SORCS2: variants seen among roughly 807,000 people sequenced by gnomAD.
The protein encoded by SORCS2 is VPS10 domain-containing receptor SorCS2.
In SORCS2, 100 loss-of-function variants were observed where a neutral mutation model predicts 141.6. That is an observed-to-expected ratio of 0.71 (90% confidence interval 0.60 to 0.83). SORCS2 has a LOEUF of 0.83. Ranked by LOEUF, SORCS2 falls within the 40% of genes least tolerant of loss-of-function variation. SORCS2 has a pLI of 0.00. For missense variants in SORCS2, 1,646 were observed against 1,560.2 expected (o/e 1.05, Z -0.93); for synonymous variants, 789 against 676.9 (o/e 1.17, Z -2.57).
intron 3 of SORCS2, among the ~76,000 whole-genome samples, chr4:7,602,535 G>T (rs917842090): frequency 6.6e-6 from 1 of 151,254 alleles, no homozygotes; most frequent in East Asian, 2.0e-4. Context: ...GGGCAGAGAC[G>T]CTCCTCACTT....
chr4:7,299,187 C>CT (rs200225176), intron 1 of SORCS2, among the ~76,000 whole-genome samples: 1,735 of 152,344 alleles, frequency 0.011, 26 homozygotes, highest in African/African-American at 0.038. Context: ...CTGTCCGGGG[C>CT]TGGGGGTGGG....
intron 2 of SORCS2, among the ~76,000 whole-genome samples, chr4:7,437,128 G>A (rs80355938): frequency 5.9e-5 from 9 of 152,126 alleles, no homozygotes; most frequent in East Asian, 3.9e-4. Flanking sequence ...GACCCCACAC[G>A]TTAAGGGCTC....
chr4:7,570,281 G>A (rs571071068), intron 3 of SORCS2, among the ~76,000 whole-genome samples: 24 of 152,302 alleles, frequency 1.6e-4, no homozygotes, highest in Non-Finnish European at 2.6e-4. Flanking sequence ...CAGGCAGGCC[G>A]CTGAGCCTGT....
At chr4:7,528,381 C>T (rs1167421797) in intron 2 of SORCS2, among the ~76,000 whole-genome samples, 4 of 150,268 alleles carry the variant, frequency 2.7e-5, no homozygotes, top group South Asian at 2.1e-4. Context: ...GAGGGGCTTC[C>T]TAGGCACTGG....
intron 26 of SORCS2, among the ~76,000 whole-genome samples, chr4:7,738,166 A>G (rs931827000): frequency 2.6e-5 from 4 of 152,258 alleles, no homozygotes; most frequent in Non-Finnish European, 5.9e-5. Context: ...AACAGGCACT[A>G]TAGTTCTTTC....
At chr4:7,362,794 TGC>T (rs1331685602) in intron 1 of SORCS2, among the ~76,000 whole-genome samples, 1 of 151,560 alleles carries the variant, frequency 6.6e-6, no homozygotes, top group Non-Finnish European at 1.5e-5. Context: ...ATTACCATCA[TGC>T]CATCACCATC....
At chr4:7,712,709 C>G in intron 14 of SORCS2, 24 bp from the exon 15 acceptor site, 1 of 1,613,692 alleles carries the variant, frequency 6.2e-7, no homozygotes, top group Non-Finnish European at 8.5e-7. Flanking sequence ...GTTTTCTCTC[C>G]CTTCCCTCCT....
intron 3 of SORCS2, among the ~76,000 whole-genome samples, chr4:7,636,053 G>A (rs906493420): frequency 2.6e-5 from 4 of 152,186 alleles, no homozygotes; most frequent in African/African-American, 7.2e-5. Context: ...CACCATAGTC[G>A]CCTCGTGCCA....
intron 2 of SORCS2, among the ~76,000 whole-genome samples, chr4:7,516,087 A>C (rs1732961676): frequency 6.6e-6 from 1 of 152,078 alleles, no homozygotes; most frequent in Non-Finnish European, 1.5e-5. Flanking sequence ...TTATTCATTC[A>C]AGCATTCATT....
chr4:7,622,670 T>C (rs1719279196), intron 3 of SORCS2, among the ~76,000 whole-genome samples: 1 of 152,142 alleles, frequency 6.6e-6, no homozygotes, highest in Non-Finnish European at 1.5e-5. Context: ...GGGGGCTTCA[T>C]GCAGGACGGA....
At chr4:7,550,276 G>C (rs892487290) in intron 3 of SORCS2, among the ~76,000 whole-genome samples, 1 of 151,754 alleles carries the variant, frequency 6.6e-6, no homozygotes, top group Non-Finnish European at 1.5e-5. Flanking sequence ...CAAAGATGGG[G>C]GTGCCCAGCA....
At chr4:7,216,195 G>A (rs1288601836) in intron 1 of SORCS2, among the ~76,000 whole-genome samples, 1 of 152,216 alleles carries the variant, frequency 6.6e-6, no homozygotes, top group South Asian at 2.1e-4. Flanking sequence ...AAAGGTCTGC[G>A]GCTTCATTCT....
At chr4:7,439,873 G>C (rs1727546150) in intron 2 of SORCS2, among the ~76,000 whole-genome samples, 1 of 152,174 alleles carries the variant, frequency 6.6e-6, no homozygotes, top group Admixed American at 6.5e-5. Context: ...CAGATGGTGT[G>C]CAGAATGTTT....
At chr4:7,384,948 C>G (rs956358578) in intron 1 of SORCS2, among the ~76,000 whole-genome samples, 1 of 152,242 alleles carries the variant, frequency 6.6e-6, no homozygotes, top group Non-Finnish European at 1.5e-5. Flanking sequence ...GCAGAAGATT[C>G]TTAGAGGGAA....
At chr4:7,315,486 C>T (rs567067641) in intron 1 of SORCS2, among the ~76,000 whole-genome samples, 2 of 152,268 alleles carry the variant, frequency 1.3e-5, no homozygotes, top group Non-Finnish European at 1.5e-5. Context: ...AGGGCTGGTG[C>T]GGTGGAGGAG....
At chr4:7,616,603 T>C (rs1311658367) in intron 3 of SORCS2, among the ~76,000 whole-genome samples, 1 of 152,154 alleles carries the variant, frequency 6.6e-6, no homozygotes, top group Non-Finnish European at 1.5e-5. Context: ...TCTCTGTGGG[T>C]TGGTTGGGTC....
chr4:7,430,954 C>A (rs537520700), intron 2 of SORCS2: 9 of 152,534 alleles, frequency 5.9e-5, no homozygotes, highest in Admixed American at 2.6e-4. Context: ...GCCTTTAGAC[C>A]CCAAGGCAGC....
chr4:7,377,529 T>C (rs1420956226), intron 1 of SORCS2, among the ~76,000 whole-genome samples: 1 of 152,238 alleles, frequency 6.6e-6, no homozygotes, highest in African/African-American at 2.4e-5. Context: ...CTGCCAAATT[T>C]GTTCCATCAT....
chr4:7,362,162 A>C (rs1721622124), intron 1 of SORCS2, among the ~76,000 whole-genome samples: 1 of 152,162 alleles, frequency 6.6e-6, no homozygotes, highest in African/African-American at 2.4e-5. Context: ...TGAGAGAACA[A>C]GATGGCAAGA....
Sources: allele counts gnomAD v4.1 joint callset (sites outside exome capture counted in the v4.1 genomes callset), GRCh38; gene constraint gnomAD v4.1.1; transcripts MANE v1.5; gene names NCBI Gene and HGNC (gene_info 2026-07-23, HGNC 2026-07-21).